MDGA2: variants seen among roughly 807,000 people sequenced by gnomAD.
The protein encoded by MDGA2 is MAM domain containing glycosylphosphatidylinositol anchor 2.
A neutral mutation model predicts 117.8 loss-of-function variants in MDGA2; 40 were observed. The observed-to-expected ratio is 0.34, with a 90% CI of 0.26 to 0.44. The LOEUF is 0.44. Among genes scored for constraint, MDGA2 ranks in the 20% least tolerant of loss-of-function variants. The probability of loss-of-function intolerance (pLI) is 1.00; values close to 1 mark genes in which losing one functional copy is unlikely to be tolerated. For synonymous variants in MDGA2, 452 were observed against 439.0 expected (o/e 1.03, Z -0.37); for missense variants, 1,123 against 1,250.6 (o/e 0.90, Z 1.54).
At chr14:47,330,008 G>A (rs189578522) in intron 1 of MDGA2, among the ~76,000 whole-genome samples, 1 of 152,020 alleles carries the variant, frequency 6.6e-6, no homozygotes, top group East Asian at 1.9e-4. Context: ...TATTCAAACT[G>A]ATGTTTATTT....
At chr14:47,392,615 G>T (rs751711653) in intron 1 of MDGA2, among the ~76,000 whole-genome samples, 6 of 152,068 alleles carry the variant, frequency 3.9e-5, no homozygotes, top group Non-Finnish European at 5.9e-5. Flanking sequence ...CATATCCTGT[G>T]ATGTTTCTGG....
At chr14:47,258,421 C>T (rs1180849984) in intron 2 of MDGA2, among the ~76,000 whole-genome samples, 1 of 151,984 alleles carries the variant, frequency 6.6e-6, no homozygotes, top group Non-Finnish European at 1.5e-5. Flanking sequence ...ATGCTACACA[C>T]TTTTAAACAA....
chr14:47,620,956 TC>T (rs748379869), intron 1 of MDGA2, among the ~76,000 whole-genome samples: 11 of 152,150 alleles, frequency 7.2e-5, no homozygotes, highest in Non-Finnish European at 7.3e-5. Context: ...ACTGAGCATC[TC>T]CAATGCTGAA....
intron 8 of MDGA2, among the ~76,000 whole-genome samples, chr14:47,033,034 A>G (rs1888717862): frequency 6.6e-6 from 1 of 152,184 alleles, no homozygotes; most frequent in Non-Finnish European, 1.5e-5. Flanking sequence ...TAAAATAACT[A>G]AACTTTGCCT....
intron 1 of MDGA2, among the ~76,000 whole-genome samples, chr14:47,605,029 G>A (rs781665547): frequency 6.6e-6 from 1 of 151,876 alleles, no homozygotes; most frequent in Non-Finnish European, 1.5e-5. Flanking sequence ...TGCTGTGAAC[G>A]CATGCATAAC....
At chr14:47,561,020 T>G (rs1895788684) in intron 1 of MDGA2, among the ~76,000 whole-genome samples, 1 of 152,106 alleles carries the variant, frequency 6.6e-6, no homozygotes. Flanking sequence ...CAGCATTATT[T>G]CTGGGCCCTC....
At chr14:47,173,846 C>T (rs995860828) in intron 3 of MDGA2, among the ~76,000 whole-genome samples, 69 of 152,212 alleles carry the variant, frequency 4.5e-4, no homozygotes, top group African/African-American at 1.6e-3. Context: ...TTAAAAGACA[C>T]GGACTGGCAA....
At chr14:47,464,899 A>C (rs1893568113) in intron 1 of MDGA2, among the ~76,000 whole-genome samples, 1 of 152,056 alleles carries the variant, frequency 6.6e-6, no homozygotes, top group Non-Finnish European at 1.5e-5. Context: ...CAAACAAAAA[A>C]ATAAAAACAA....
intron 1 of MDGA2, among the ~76,000 whole-genome samples, chr14:47,556,221 G>A (rs912275420): frequency 6.6e-6 from 1 of 152,120 alleles, no homozygotes; most frequent in Non-Finnish European, 1.5e-5. Context: ...ATAGGACTCT[G>A]TTGCCCACTT....
intron 8 of MDGA2, among the ~76,000 whole-genome samples, chr14:47,009,989 G>C (rs776422476): frequency 6.6e-6 from 1 of 152,046 alleles, no homozygotes; most frequent in South Asian, 2.1e-4. Flanking sequence ...TATTAAGTCT[G>C]ATCATCTTTC....
intron 1 of MDGA2, among the ~76,000 whole-genome samples, chr14:47,379,615 G>C (rs1235739015): frequency 6.6e-6 from 1 of 152,118 alleles, no homozygotes; most frequent in Non-Finnish European, 1.5e-5. Flanking sequence ...GAGATCAAAA[G>C]AGACAAAGAA....
chr14:46,845,105 G>C (rs1880778050), intron 16 of MDGA2, among the ~76,000 whole-genome samples: 1 of 152,122 alleles, frequency 6.6e-6, no homozygotes, highest in African/African-American at 2.4e-5. Context: ...GGATGGTCTT[G>C]ATCTCCTGAC....
chr14:47,662,131 G>A (rs756295968), intron 1 of MDGA2, among the ~76,000 whole-genome samples: 9 of 152,114 alleles, frequency 5.9e-5, no homozygotes, highest in Non-Finnish European at 1.3e-4. Context: ...AGTATTAGGT[G>A]AGAGACTGCA....
At chr14:47,616,317 C>T (rs1289267009) in intron 1 of MDGA2, among the ~76,000 whole-genome samples, 2 of 152,166 alleles carry the variant, frequency 1.3e-5, no homozygotes, top group Admixed American at 1.3e-4. Context: ...GATACGTTAA[C>T]AGTGTCTGCT....
intron 5 of MDGA2, among the ~76,000 whole-genome samples, chr14:47,122,457 G>T (rs138769811): frequency 6.6e-6 from 1 of 152,080 alleles, no homozygotes; most frequent in African/African-American, 2.4e-5. Context: ...CTTCCAGTGA[G>T]TCCAAGGCAA....
intron 1 of MDGA2, among the ~76,000 whole-genome samples, chr14:47,489,890 G>C (rs190765747): frequency 2.6e-5 from 4 of 152,076 alleles, no homozygotes; most frequent in Admixed American, 1.3e-4. Context: ...TTGCATACTA[G>C]TGAATCACTT....
chr14:46,901,858 G>C (rs1456221285), intron 10 of MDGA2, among the ~76,000 whole-genome samples: 1 of 152,160 alleles, frequency 6.6e-6, no homozygotes, highest in African/African-American at 2.4e-5. Flanking sequence ...CTATGTCCAA[G>C]TCTGAAAGTA....
chr14:47,351,626 C>T (rs886169343), intron 1 of MDGA2, among the ~76,000 whole-genome samples: 1 of 151,982 alleles, frequency 6.6e-6, no homozygotes, highest in Non-Finnish European at 1.5e-5. Context: ...ATATCCATTG[C>T]CCCACCTTAT....
At chr14:46,921,027 T>G (rs1884107174) in intron 9 of MDGA2, among the ~76,000 whole-genome samples, 1 of 152,172 alleles carries the variant, frequency 6.6e-6, no homozygotes, top group African/African-American at 2.4e-5. Flanking sequence ...TACACACCAT[T>G]TGGAATTATA....
Sources: gnomAD v4.1 joint callset for allele counts (sites outside exome capture counted in the v4.1 genomes callset) on GRCh38, gnomAD v4.1.1 for gene constraint, MANE v1.5 for transcripts, NCBI Gene and HGNC (gene_info 2026-07-23, HGNC 2026-07-21) for gene names.